RYR2: variants seen among roughly 807,000 people sequenced by gnomAD.
The protein encoded by RYR2 is cardiac muscle ryanodine receptor-calcium release channel.
Under a neutral mutation model 601.1 loss-of-function variants are expected in RYR2, and 227 were observed. The ratio of observed to expected loss-of-function variants is 0.38; its 90% CI spans 0.34 to 0.42. The LOEUF is 0.42. Ranked by LOEUF, RYR2 falls within the 10% of genes least tolerant of loss-of-function variation. The pLI is 1.00. For missense variants in RYR2, 4,646 were observed against 6,156.5 expected (o/e 0.75, Z 8.21); for synonymous variants, 2,223 against 2,175.1 (o/e 1.02, Z -0.61).
Position 237,680,579 on chromosome 1 carries a change from T to C in RYR2, c.9017+2T>C. 6.3e-7 allele frequency: 1 copy of C among 1,592,064 alleles called. No homozygotes were observed. Among genetic ancestry groups the C allele is most frequent in the Non-Finnish European group, 8.6e-7 (1 of 1,168,664 alleles). ...CAAAGAGAAAGAAATGGTGACTAGG[T>C]AAACAGCTATAAAAATAAGCACTGT... On this transcript the variant is annotated splice_donor_variant, in intron 62 of 104. Transcript: ENST00000366574. LOFTEE classifies it high-confidence loss of function.
At chr1:237,422,311 G>A (rs1705680093) in intron 11 of RYR2, among the ~76,000 whole-genome samples, 2 of 152,152 alleles carry the variant, frequency 1.3e-5, no homozygotes, top group African/African-American at 4.8e-5. Context: ...GTAATGTATA[G>A]TGATCAGATC....
chr1:237,345,481 T>A (rs373554579), intron 3 of RYR2, among the ~76,000 whole-genome samples: 13 of 144,938 alleles, frequency 9.0e-5, no homozygotes, highest in East Asian at 7.9e-4. Flanking sequence ...AAATAAAAAA[T>A]AAAAAAAAAT....
intron 6 of RYR2, among the ~76,000 whole-genome samples, chr1:237,373,240 T>G (rs1025507599): frequency 6.6e-6 from 1 of 152,186 alleles, no homozygotes; most frequent in Admixed American, 6.5e-5. Flanking sequence ...AAAAACAAGT[T>G]TAGGGACCCT....
At chr1:237,501,889 C>G (rs890191714) in intron 21 of RYR2, among the ~76,000 whole-genome samples, 11 of 152,078 alleles carry the variant, frequency 7.2e-5, no homozygotes, top group Admixed American at 7.2e-4. Context: ...ACCTGTAATC[C>G]CAGCACTTTG....
At chr1:237,309,010 T>C (rs58089794) in intron 2 of RYR2, among the ~76,000 whole-genome samples, 409 of 152,342 alleles carry the variant, frequency 2.7e-3, no homozygotes, top group African/African-American at 9.3e-3. Flanking sequence ...AGAGCACTGA[T>C]TGGTGCATTT....
At chr1:237,584,053 A>T (rs1674229327) in intron 29 of RYR2, among the ~76,000 whole-genome samples, 1 of 152,232 alleles carries the variant, frequency 6.6e-6, no homozygotes, top group African/African-American at 2.4e-5. Context: ...CACTGCCAGA[A>T]TGAAAACTTC....
rs1659470496 is a variant in RYR2, at chr1:237,798,030, C to T, written c.13957-7C>T. ...AGCCAACAAAATGCTTTTTCTCATACCCCAAGGTTATGGATAAATATGGAG... is the reference window on the plus strand; with the variant it reads ...AGCCAACAAAATGCTTTTTCTCATATCCCAAGGTTATGGATAAATATGGAG... On this transcript the variant is annotated splice_region_variant and splice_polypyrimidine_tract_variant and intron_variant, in intron 96 of 104. Coordinates refer to ENST00000366574, the MANE Select transcript of RYR2 (RefSeq NM_001035.3). 4.4e-6 allele frequency: 7 copies of T among 1,607,582 alleles called. No individual in the cohort carries two copies. Among genetic ancestry groups the T allele is most frequent in the Non-Finnish European group, 5.9e-6 (7 of 1,176,884 alleles).
chr1:237,672,497 T>C (rs1685039972), intron 58 of RYR2, among the ~76,000 whole-genome samples: 1 of 152,200 alleles, frequency 6.6e-6, no homozygotes, highest in East Asian at 1.9e-4. Context: ...TAATTGTCTA[T>C]ATGAGGTACA....
At chr1:237,547,298 GC>G (rs1293957918) in intron 25 of RYR2, among the ~76,000 whole-genome samples, 1 of 152,016 alleles carries the variant, frequency 6.6e-6, no homozygotes, top group Non-Finnish European at 1.5e-5. Context: ...GAGCCACTGT[GC>G]CCGGCCTTTT....
intron 84 of RYR2, among the ~76,000 whole-genome samples, chr1:237,769,036 ATTATAT>A (rs1290560586): frequency 6.6e-6 from 1 of 152,218 alleles, no homozygotes; most frequent in African/African-American, 2.4e-5. Context: ...ACACAGGTAG[ATTATAT>A]TTATTTCAGT....
Position 237,396,054 on chromosome 1 carries a change from G to GA in RYR2, c.773+7877dup, listed in dbSNP as rs1474190896. On this transcript the variant is annotated intron_variant, in intron 10 of 104. Coordinates refer to ENST00000366574, the MANE Select transcript of RYR2 (RefSeq NM_001035.3). Reference sequence around the variant, plus strand: ...CGTATTTGTGAAAGAAAGAAACGGAGAAAAAATAACTCTTGCACTTTAATG... The same window carrying GA: ...CGTATTTGTGAAAGAAAGAAACGGAGAAAAAAATAACTCTTGCACTTTAATG... 6.6e-5 allele frequency among the ~76,000 whole-genome samples: 10 copies of GA among 152,294 alleles called. No homozygotes were observed. The South Asian group carries it at 1.5e-3, about 22-fold the overall frequency.
At chr1:237,050,470 C>A (rs556886825) in intron 1 of RYR2, among the ~76,000 whole-genome samples, 1 of 152,286 alleles carries the variant, frequency 6.6e-6, no homozygotes, top group African/African-American at 2.4e-5. Context: ...ATCTCATCAC[C>A]ATGAAGGAAG....
chr1:237,672,417 A>T (rs1206068444), intron 58 of RYR2, among the ~76,000 whole-genome samples: 1 of 152,202 alleles, frequency 6.6e-6, no homozygotes, highest in African/African-American at 2.4e-5. Context: ...GTGATGGTTG[A>T]TTAAATTAGG....
chr1:237,702,429 T>A (rs1245214929), intron 66 of RYR2, among the ~76,000 whole-genome samples: 1 of 152,042 alleles, frequency 6.6e-6, no homozygotes, highest in Non-Finnish European at 1.5e-5. Flanking sequence ...TGTTCTCAAG[T>A]TTCAGGATGG....
At chr1:237,329,356 T>C (rs1052606995) in intron 2 of RYR2, among the ~76,000 whole-genome samples, 2 of 151,912 alleles carry the variant, frequency 1.3e-5, no homozygotes, top group Non-Finnish European at 2.9e-5. Context: ...TTAAAAAAAA[T>C]TAAGGCCTGG....
intron 1 of RYR2, among the ~76,000 whole-genome samples, chr1:237,085,759 T>A (rs989333855): frequency 1.3e-5 from 2 of 150,984 alleles, no homozygotes; most frequent in Non-Finnish European, 3.0e-5. Context: ...TGCTTCTGAC[T>A]TTTTTTTTGA....
intron 62 of RYR2, among the ~76,000 whole-genome samples, chr1:237,684,238 G>A (rs922744806): frequency 4.6e-5 from 7 of 151,894 alleles, no homozygotes; most frequent in South Asian, 2.1e-4. Flanking sequence ...GCCCGGCCTC[G>A]TTCAGATATT....
At chr1:237,372,678 G>A (rs955394338) in intron 6 of RYR2, among the ~76,000 whole-genome samples, 1 of 152,132 alleles carries the variant, frequency 6.6e-6, no homozygotes, top group African/African-American at 2.4e-5. Context: ...AAATGTGAGG[G>A]TTTCTTTTAA....
chr1:237,479,674 C>T (rs2150356867), intron 17 of RYR2, among the ~76,000 whole-genome samples: 1 of 152,330 alleles, frequency 6.6e-6, no homozygotes, highest in Non-Finnish European at 1.5e-5. Flanking sequence ...GCCAGCATTT[C>T]TGTGGGTACT....
Sources: allele counts gnomAD v4.1 joint callset (sites outside exome capture counted in the v4.1 genomes callset), GRCh38; gene constraint gnomAD v4.1.1; transcripts MANE v1.5; gene names NCBI Gene and HGNC (gene_info 2026-07-23, HGNC 2026-07-21).